Variants in AKNA observed in about 807,000 individuals in gnomAD.
AKNA encodes microtubule organization protein AKNA.
In AKNA, 67 loss-of-function variants were observed where a neutral mutation model predicts 138.8. That is an observed-to-expected ratio of 0.48 (90% CI 0.40 to 0.59). AKNA has a LOEUF of 0.59. AKNA is among the 20% of genes least tolerant of loss of function. AKNA has a pLI of 0.00. For missense variants in AKNA, 1,813 were observed against 1,880.4 expected (o/e 0.96, Z 0.66); for synonymous variants, 737 against 754.4 (o/e 0.98, Z 0.38).
At chr9:114,392,938 T>A (rs1012160331), upstream of AKNA, among the ~76,000 whole-genome samples, 4 of 152,170 alleles carry the variant, frequency 2.6e-5, no homozygotes, top group African/African-American at 9.7e-5. Flanking sequence ...GAGGAGGGTG[T>A]GGCCATATTG....
In AKNA at chr9:114,350,972, G is replaced by A. The variant is rs200232041; in HGVS notation, c.3108C>T (p.Pro1036=). 1.2e-6 allele frequency: 2 copies of A among 1,613,606 alleles called. No individual in the cohort carries two copies. Among genetic ancestry groups the A allele is most frequent in the East Asian group, 4.5e-5 (2 of 44,864 alleles). ...GTGGGCTGATTGTCTTGTTGGGAAG[G>A]GGCTGTTCAGAAATCCGTTTGTGCC... ...FEGHKRISEQ[P]LPNKTISPPP... Residue 1036 remains proline, a synonymous_variant, in exon 15 of 22, where the codon CCC becomes CCT. Coordinates refer to ENST00000374088, the MANE Select transcript of AKNA (RefSeq NM_001317950.2).
chr9:114,379,762 G>C (rs1223399748), intron 2 of AKNA, among the ~76,000 whole-genome samples: 1 of 152,182 alleles, frequency 6.6e-6, no homozygotes, highest in African/African-American at 2.4e-5. Context: ...GCAAAGCTAG[G>C]AATTCAGTCT....
chr9:114,382,616 C>T (rs1183607894), intron 1 of AKNA, among the ~76,000 whole-genome samples: 1 of 151,668 alleles, frequency 6.6e-6, no homozygotes, highest in Non-Finnish European at 1.5e-5. Context: ...GGTAGCATTC[C>T]TGTACCCAAC....
At chr9:114,379,245 C>A (rs1436213144) in intron 2 of AKNA, among the ~76,000 whole-genome samples, 1 of 152,230 alleles carries the variant, frequency 6.6e-6, no homozygotes. Flanking sequence ...AAGCTGCTGA[C>A]CTCTCTGGCA....
chr9:114,339,356 C>G (rs1564613518), intron 21 of AKNA, among the ~76,000 whole-genome samples: 1 of 152,242 alleles, frequency 6.6e-6, no homozygotes, highest in Non-Finnish European at 1.5e-5. Flanking sequence ...TCCTGCTGAC[C>G]AGCAGCTGGA....
In AKNA at chr9:114,377,376, A is replaced by G. The variant is rs1833318506; in HGVS notation, c.431T>C (p.Leu144Ser). ...CAAGCTGAGACCAGCCTCATACCCC[A>G]ACCTTGAGGAGCTCTCTCCAGCCTC... ...VEEAGESSSR[L>S]GYEAGLSLEG... The change falls in exon 3 of 22, where the codon TTG becomes TCG. Residue 144 changes from leucine to serine, a missense_variant. Physicochemically the swap from Leu to Ser is moderately radical, Grantham distance 145. Coordinates refer to ENST00000374088, the MANE Select transcript of AKNA (RefSeq NM_001317950.2). The G allele has an allele frequency of 6.2e-7, 1 of 1,613,780 alleles. No homozygotes were observed. The highest frequency in any genetic ancestry group is 8.5e-7 in the Non-Finnish European group (1 of 1,179,914).
At chr9:114,373,974 TC>T in intron 4 of AKNA, 118 bp downstream of exon 4, 1 of 1,072,918 alleles carries the variant, frequency 9.3e-7, no homozygotes, top group Non-Finnish European at 1.3e-6. Flanking sequence ...AAACTGGCGT[TC>T]CACTATCTCC....
At chr9:114,333,721 T>G (rs62559491), downstream of AKNA, among the ~76,000 whole-genome samples, 6 of 135,500 alleles carry the variant, frequency 4.4e-5, no homozygotes, top group Admixed American at 2.2e-4. Flanking sequence ...TAATAAAACT[T>G]CAACTAGTCA....
Position 114,359,631 on chromosome 9 carries a change from G to A in AKNA, c.2455C>T (p.Pro819Ser), listed in dbSNP as rs777221802. ...EATRVLPRQCPVQAEKSHGAP... is the reference protein window; with the variant it reads ...EATRVLPRQCSVQAEKSHGAP... Reference sequence around the variant, plus strand: ...CCATGACTTTTCTCAGCCTGCACCGGGCACTGCCTTGGGAGGACCCTGGTG... The same window carrying A: ...CCATGACTTTTCTCAGCCTGCACCGAGCACTGCCTTGGGAGGACCCTGGTG... The change falls in exon 11 of 22, where the codon CCG (proline) becomes TCG (serine). Residue 819 changes from proline (P) to serine (S), a missense_variant. Physicochemically the swap from Pro to Ser is moderately conservative, Grantham distance 74 (BLOSUM62 -1). Coordinates refer to ENST00000374088, the MANE Select transcript of AKNA (RefSeq NM_001317950.2). The A allele has an allele frequency of 3.7e-6, 6 of 1,610,876 alleles. No individual in the cohort carries two copies. The highest frequency in any genetic ancestry group is 5.1e-6 in the Non-Finnish European group (6 of 1,179,878).
chr9:114,373,967 C>A, intron 4 of AKNA, 126 bp downstream of exon 4: 17 of 827,996 alleles, frequency 2.1e-5, no homozygotes, highest in East Asian at 8.2e-5. Context: ...TAGAAGAAAA[C>A]TGGCGTTCCA....
rs757612570 is a variant in AKNA, at chr9:114,377,337, T to G, written c.470A>C (p.Asn157Thr). The G allele has an allele frequency of 1.5e-5, 24 of 1,613,860 alleles. No homozygotes were observed. Among genetic ancestry groups the G allele is most frequent in the Non-Finnish European group, 2.0e-5 (24 of 1,179,942 alleles). ...ATGCCCAAGAGCCATGGGGCTGGTG[T>G]TTCCATGGCCTTCCAAGCTGAGACC... ...EAGLSLEGHG[N>T]TSPMALGHGQ... Residue 157 changes from asparagine (N) to threonine (T), a missense_variant, in exon 3 of 22, where the codon AAC becomes ACC. Asn to Thr is a moderately conservative substitution (Grantham distance 65). Transcript: ENST00000374088.
chr9:114,381,301 A>AG lies in AKNA; in HGVS notation c.32dup (p.Glu12Ter). ...GGGGGCCCTTCCCCAGGCCAGGCTC[A>AG]GCCCAGCGGATCTCAGTCTCCGAGC... On this transcript the variant is annotated frameshift_variant, in exon 2 of 22. Transcript: ENST00000374088. LOFTEE classifies it high-confidence loss of function. 6.2e-7 allele frequency: 1 copy of AG among 1,607,262 alleles called. No homozygotes were observed. Among genetic ancestry groups the AG allele is most frequent in the Middle Eastern group, 1.7e-4 (1 of 6,048 alleles).
chr9:114,381,077 C>T lies in AKNA; in HGVS notation c.257G>A (p.Gly86Glu), dbSNP rs1833628800. 1.9e-6 allele frequency: 3 copies of T among 1,584,046 alleles called. No homozygotes were observed. Among genetic ancestry groups the T allele is most frequent in the African/African-American group, 2.7e-5 (2 of 74,278 alleles). The change falls in exon 2 of 22, where the codon GGA becomes GAA. Residue 86 changes from glycine (G) to glutamate (E), a missense_variant. Physicochemically the swap from Gly to Glu is moderately conservative, Grantham distance 98. Coordinates refer to ENST00000374088, the MANE Select transcript of AKNA (RefSeq NM_001317950.2). ...QPDGHQDSES[G>E]ETSGEEAEAE... ...AGTCTCACCTTCTCCCGAAGTCTCT[C>T]CTGACTCGGAATCCTGATGCCCATC...
Position 114,336,959 on chromosome 9 carries a change from CG to C in AKNA, c.*94del. On this transcript the variant is annotated 3_prime_UTR_variant, in exon 22 of 22. Coordinates refer to ENST00000374088, the MANE Select transcript of AKNA (RefSeq NM_001317950.2). ...GAGACCCTCCTGGTGAGGAACTATG[CG>C]GGCCTTCTGGGCCTCAGCAGCTCCA... 1 of 1,397,986 alleles carries C rather than the reference CG, an allele frequency of 7.2e-7. No homozygotes were observed. The highest frequency in any genetic ancestry group is 9.4e-7 in the Non-Finnish European group (1 of 1,063,360). 86.6% of individuals were successfully genotyped at this position (1,397,986 alleles called of 1,614,324 possible). A position where few individuals can be genotyped will look rare whatever the true frequency, so the allele number is the denominator to read the frequency against.
intron 1 of AKNA, among the ~76,000 whole-genome samples, chr9:114,393,479 C>G (rs1026925153): frequency 6.6e-6 from 1 of 151,866 alleles, no homozygotes; most frequent in African/African-American, 2.4e-5. Flanking sequence ...CCCGCCTCGG[C>G]CTCCCAAAGT....
chr9:114,391,115 C>T (rs972195436), upstream of AKNA, among the ~76,000 whole-genome samples: 6 of 152,154 alleles, frequency 3.9e-5, no homozygotes, highest in African/African-American at 1.4e-4. Flanking sequence ...ATGTGACAAC[C>T]CCATTTCACA....
At chr9:114,357,337 T>C (rs749035230) in intron 12 of AKNA, among the ~76,000 whole-genome samples, 4 of 152,114 alleles carry the variant, frequency 2.6e-5, no homozygotes, top group African/African-American at 7.2e-5. Context: ...TATCTGACAG[T>C]GGAAATGCTC....
chr9:114,357,383 A>G (rs1831573910), intron 12 of AKNA, among the ~76,000 whole-genome samples: 1 of 152,226 alleles, frequency 6.6e-6, no homozygotes, highest in Admixed American at 6.5e-5. Context: ...ACCATCAAAT[A>G]TGTACAGGTC....
rs376269727 is a variant in AKNA at position 114,381,187 on chromosome 9, A to T, written c.147T>A (p.Asn49Lys). ...CCTCTAGGAGCTCGGGGCTGGTGGC[A>T]TTGGGAAAGAGTCTCTCTTCTTCCC... is the stretch of plus-strand genomic sequence containing the variant. ...QSWEEERLFP[N>K]ATSPELLEDF... The change falls in exon 2 of 22, where the codon AAT becomes AAA. Residue 49 changes from asparagine (N) to lysine (K), a missense_variant. Coordinates refer to ENST00000374088, the MANE Select transcript of AKNA (RefSeq NM_001317950.2). The T allele has an allele frequency of 5.0e-5, 80 of 1,614,168 alleles. 1 individual carries two copies. In the Middle Eastern group the frequency reaches 8.2e-4, roughly 17 times the overall value.
Sources: allele counts gnomAD v4.1 joint callset (sites outside exome capture counted in the v4.1 genomes callset), GRCh38; gene constraint gnomAD v4.1.1; transcripts MANE v1.5; gene names NCBI Gene and HGNC (gene_info 2026-07-23, HGNC 2026-07-21).